The following SDK1 variants were observed in gnomAD, a reference collection of about 807,000 sequenced individuals.
SDK1 encodes the protein protein sidekick-1.
Under a neutral mutation model 245.5 loss-of-function variants are expected in SDK1, and 157 were observed. That is an observed-to-expected ratio of 0.64 (90% CI 0.56 to 0.73). The LOEUF is 0.73. SDK1 is among the 30% of genes least tolerant of loss of function. The pLI is 0.00. For missense variants in SDK1, 3,583 were observed against 3,002.3 expected (o/e 1.19, Z -4.52); for synonymous variants, 1,647 against 1,278.5 (o/e 1.29, Z -6.15).
In SDK1 at chr7:3,951,053, G is replaced by C; in HGVS notation, c.959+19G>C. 1 of 1,513,874 alleles carries C rather than the reference G, an allele frequency of 6.6e-7. No individual in the cohort carries two copies. The highest frequency in any genetic ancestry group is 9.2e-7 in the Non-Finnish European group (1 of 1,088,620). The allele number at this position is 1,513,874 out of a possible 1,614,324, so 93.8% of individuals were successfully genotyped here. A position where few individuals can be genotyped will look rare whatever the true frequency, so the allele number is the denominator to read the frequency against. ...GTGCCAGGTACGAGGCGCGTCTCCT[G>C]TGAGACTCCTAGTAAATATTCCATG... is the stretch of plus-strand genomic sequence containing the variant. On this transcript the variant is annotated intron_variant, in intron 6 of 44. Coordinates refer to ENST00000404826, the MANE Select transcript of SDK1 (RefSeq NM_152744.4).
At chr7:3,552,293 G>A (rs1277413052) in intron 1 of SDK1, among the ~76,000 whole-genome samples, 3 of 152,082 alleles carry the variant, frequency 2.0e-5, no homozygotes, top group Non-Finnish European at 4.4e-5. Flanking sequence ...CACCCGCCTT[G>A]GCCTCCCAAA....
intron 25 of SDK1, among the ~76,000 whole-genome samples, chr7:4,121,993 G>C (rs1002154532): frequency 6.6e-6 from 1 of 152,114 alleles, no homozygotes; most frequent in Non-Finnish European, 1.5e-5. Flanking sequence ...TCAGATTCTG[G>C]ACATGTTGAA....
intron 35 of SDK1, among the ~76,000 whole-genome samples, chr7:4,199,256 T>A (rs1783754011): frequency 6.6e-6 from 1 of 152,200 alleles, no homozygotes; most frequent in South Asian, 2.1e-4. Context: ...TGTCATGATC[T>A]GTGAGGACCC....
At position 3,301,537 on chromosome 7, in the gene SDK1, CCTGCCCGCCCG is replaced by C; in HGVS notation, c.-49_-39del. 1.4e-6 allele frequency: 1 copy of C among 692,730 alleles called. No individual in the cohort carries two copies. The highest frequency in any genetic ancestry group is 1.8e-6 in the Non-Finnish European group (1 of 566,308). The allele number at this position is 692,730 out of a possible 1,614,324, so 42.9% of individuals were successfully genotyped here. ...GCCCGCTCGGAGCCGTCCCGCCTGT[CCTGCCCGCCCG>C]TCCGTCCGGCGCGGCGCTCGGGGTG... On this transcript the variant is annotated 5_prime_UTR_variant, in exon 1 of 45. Coordinates refer to ENST00000404826, the MANE Select transcript of SDK1 (RefSeq NM_152744.4).
rs576413270 is a variant in SDK1, at chr7:3,664,536, C to T, written c.713+22431C>T. Among the ~76,000 whole-genome samples the T allele has an allele frequency of 4.6e-5, 7 of 152,068 alleles. 1 individual carries two copies. The highest frequency in any genetic ancestry group is 4.2e-4 in the South Asian group (2 of 4,812). On this transcript the variant is annotated intron_variant, in intron 4 of 44. Transcript: ENST00000404826. ...GGTGGATCACTTGAGGTTAGGAGAT[C>T]GAGATCAGCCTGGCCAACATGGTGA...
chr7:4,020,965 C>A (rs1384482719), intron 17 of SDK1, among the ~76,000 whole-genome samples: 1 of 152,198 alleles, frequency 6.6e-6, no homozygotes, highest in African/African-American at 2.4e-5. Flanking sequence ...CGTTTTTCCA[C>A]TGTGATGAAG....
chr7:3,986,582 C>T (rs183137353), intron 13 of SDK1, among the ~76,000 whole-genome samples: 5 of 152,214 alleles, frequency 3.3e-5, no homozygotes, highest in East Asian at 1.9e-4. Flanking sequence ...ATGTGTAGGC[C>T]GGGCATGGTG....
chr7:3,521,450 A>G (rs756338468), intron 1 of SDK1, among the ~76,000 whole-genome samples: 19 of 152,168 alleles, frequency 1.2e-4, no homozygotes, highest in Non-Finnish European at 2.4e-4. Flanking sequence ...TACTCTTTCT[A>G]TCTGTTTAGC....
rs372688761 is a variant in SDK1 at position 3,330,492 on chromosome 7, G to A, written c.298+28608G>A. Among the ~76,000 whole-genome samples the A allele has an allele frequency of 2.6e-5, 4 of 152,312 alleles. 1 individual carries two copies. The East Asian group carries it at 5.8e-4, about 22-fold the overall frequency. On this transcript the variant is annotated intron_variant, in intron 1 of 44. Coordinates refer to ENST00000404826, the MANE Select transcript of SDK1 (RefSeq NM_152744.4). ...GTCATCAGGGTGAGGCCTCCATGAT[G>A]AGACTGTTGGCTTTGTAAGAAGAGA...
chr7:3,630,697 G>A (rs1461048005), intron 2 of SDK1, among the ~76,000 whole-genome samples: 11 of 152,102 alleles, frequency 7.2e-5, no homozygotes, highest in Non-Finnish European at 1.3e-4. Context: ...CTGACACAGG[G>A]TCTGTAAGGT....
In SDK1 at chr7:3,894,699, T is replaced by A. The variant is rs970035300; in HGVS notation, c.848-56224T>A. 3.8e-4 allele frequency among the ~76,000 whole-genome samples: 51 copies of A among 134,090 alleles called. 1 individual carries two copies. The East Asian group carries it at 0.01, about 26-fold the overall frequency. 88.0% of individuals were successfully genotyped at this position (134,090 alleles called of 152,430 possible). ...TAAAGCAGAGTAATACTATTTTTTC[T>A]TTTTTTTTTTTTTTTTTGAGACGGA... On this transcript the variant is annotated intron_variant, in intron 5 of 44. Transcript: ENST00000404826.
chr7:3,581,636 C>T (rs1780500258), intron 1 of SDK1, among the ~76,000 whole-genome samples: 1 of 152,154 alleles, frequency 6.6e-6, no homozygotes, highest in Non-Finnish European at 1.5e-5. Flanking sequence ...CCCAGGAATC[C>T]CATTAATGGG....
intron 2 of SDK1, among the ~76,000 whole-genome samples, chr7:3,621,603 A>C (rs1258863667): frequency 6.6e-6 from 1 of 152,158 alleles, no homozygotes; most frequent in Admixed American, 6.5e-5. Flanking sequence ...TGTTTTCTGA[A>C]ACTGAATTCC....
intron 35 of SDK1, among the ~76,000 whole-genome samples, chr7:4,198,113 C>T (rs1783687044): frequency 6.6e-6 from 1 of 152,186 alleles, no homozygotes; most frequent in Non-Finnish European, 1.5e-5. Context: ...CAGCCTGTGC[C>T]CTCCTGGCCT....
At chr7:3,331,109 C>CA (rs1339027233) in intron 1 of SDK1, among the ~76,000 whole-genome samples, 2 of 151,880 alleles carry the variant, frequency 1.3e-5, no homozygotes, top group African/African-American at 4.8e-5. Flanking sequence ...ACTAAAAATA[C>CA]AAAAATTAGC....
intron 44 of SDK1, among the ~76,000 whole-genome samples, chr7:4,252,285 C>A (rs925517906): frequency 6.6e-6 from 1 of 150,402 alleles, no homozygotes; most frequent in African/African-American, 2.5e-5. Context: ...TCAATTCCCA[C>A]CTATGAGTGA....
At chr7:3,355,766 C>T (rs1358547921) in intron 1 of SDK1, among the ~76,000 whole-genome samples, 1 of 152,144 alleles carries the variant, frequency 6.6e-6, no homozygotes, top group Non-Finnish European at 1.5e-5. Context: ...ATCTATTAGT[C>T]CCAAATTCTT....
intron 35 of SDK1, among the ~76,000 whole-genome samples, chr7:4,198,983 T>C (rs1216000007): frequency 6.6e-6 from 1 of 152,020 alleles, no homozygotes; most frequent in African/African-American, 2.4e-5. Context: ...CTGGCTAATT[T>C]TTGTGTTTTT....
chr7:3,732,263 A>G (rs554280122), intron 4 of SDK1, among the ~76,000 whole-genome samples: 3 of 152,172 alleles, frequency 2.0e-5, no homozygotes, highest in African/African-American at 7.2e-5. Context: ...CTGATTTTCA[A>G]ATTGTTGTGA....
Sources: gnomAD v4.1 joint callset for allele counts (sites outside exome capture counted in the v4.1 genomes callset) on GRCh38, gnomAD v4.1.1 for gene constraint, MANE v1.5 for transcripts, NCBI Gene and HGNC (gene_info 2026-07-23, HGNC 2026-07-21) for gene names.